Variants in KMT5B observed in about 807,000 individuals in gnomAD.
KMT5B encodes the protein lysine methyltransferase 5B.
In KMT5B, 10 loss-of-function variants were observed where a neutral mutation model predicts 83.2. The ratio of observed to expected loss-of-function variants is 0.12; its 90% CI spans 0.07 to 0.20. The LOEUF is 0.20. Among genes scored for constraint, KMT5B ranks in the 10% least tolerant of loss-of-function variants. The pLI is 1.00. For missense variants in KMT5B, 753 were observed against 1,067.2 expected (o/e 0.71, Z 4.10); for synonymous variants, 349 against 388.8 (o/e 0.90, Z 1.20).
Position 68,171,304 on chromosome 11 carries a change from A to G in KMT5B, c.821-53T>C. ...ATTAACTGTTGATAAGATCTGAAAC[A>G]CGAACAATTATAGAAATCTGAAATA... On this transcript the variant is annotated intron_variant, in intron 7 of 10. Transcript: ENST00000304363. This position sits in a 1 kb window ranked among gnomAD's most constrained non-coding sequence, Gnocchi z 5.1. 1 of 1,587,664 alleles carries G rather than the reference A, an allele frequency of 6.3e-7. No homozygotes were observed. The highest frequency in any genetic ancestry group is 8.6e-7 in the Non-Finnish European group (1 of 1,160,822).
chr11:68,204,446 A>G (rs538686561), intron 1 of KMT5B, among the ~76,000 whole-genome samples: 81 of 152,294 alleles, frequency 5.3e-4, no homozygotes, highest in African/African-American at 1.9e-3. Flanking sequence ...AAGGTGAAGC[A>G]GACTGGAGTG....
At chr11:68,194,918 T>G (rs1162030332) in intron 1 of KMT5B, among the ~76,000 whole-genome samples, 2 of 152,262 alleles carry the variant, frequency 1.3e-5, no homozygotes, top group Admixed American at 1.3e-4. Context: ...CTTATGCCTA[T>G]AATCCTAGCC....
chr11:68,159,273 A>G, intron 10 of KMT5B, 102 bp from the exon 11 acceptor site: 1 of 1,439,150 alleles, frequency 6.9e-7, no homozygotes, highest in Non-Finnish European at 9.1e-7. Flanking sequence ...TTTAGATTAC[A>G]CAAACGCCAA....
Position 68,157,928 on chromosome 11 carries a change from A to G in KMT5B, c.2418T>C (p.Leu806=), listed in dbSNP as rs1455134740. 6 of 1,614,046 alleles carry G rather than the reference A, an allele frequency of 3.7e-6. No homozygotes were observed. The East Asian group carries it at 1.3e-4, about 36-fold the overall frequency. Residue 806 remains leucine (L), a synonymous_variant, in exon 11 of 11, where the codon CTT becomes CTC. Transcript: ENST00000304363. ...CCTCCATTCGAGACTCCAAGAGAGA[A>G]AGAGGATCACTGCAGCACACCCCAT... ...HENGVCCSDP[L]SLLESRMEVD... is the part of the protein sequence containing the mutation.
At chr11:68,173,325 G>C (rs954722052) in intron 6 of KMT5B, among the ~76,000 whole-genome samples, 1 of 152,194 alleles carries the variant, frequency 6.6e-6, no homozygotes, top group Non-Finnish European at 1.5e-5. Context: ...ATAGGCGTGA[G>C]CCAATGCCCC....
intron 3 of KMT5B, among the ~76,000 whole-genome samples, chr11:68,183,753 G>A (rs543802413): frequency 4.6e-5 from 7 of 150,630 alleles, no homozygotes; most frequent in Admixed American, 1.3e-4. Context: ...TCTGTCTCCC[G>A]GGTTCACGTG....
At chr11:68,187,952 T>G (rs1857592035) in intron 2 of KMT5B, among the ~76,000 whole-genome samples, 1 of 152,124 alleles carries the variant, frequency 6.6e-6, no homozygotes, top group African/African-American at 2.4e-5. Flanking sequence ...ACACACTGGG[T>G]TTTCCCAACC....
rs1426982709 is a variant in KMT5B at position 68,157,204 on chromosome 11, C to G, written c.*484G>C. 6.6e-6 allele frequency: 1 copy of G among 151,766 alleles called. No homozygotes were observed. The highest frequency in any genetic ancestry group is 1.5e-5 in the Non-Finnish European group (1 of 67,970). The allele number at this position is 151,766 out of a possible 1,614,324, so 9.4% of individuals were successfully genotyped here. On this transcript the variant is annotated 3_prime_UTR_variant, in exon 11 of 11. Coordinates refer to ENST00000304363, the MANE Select transcript of KMT5B (RefSeq NM_017635.5). ...AGCAAACAGTGTGAAACTGACAAAA[C>G]TCCAAGGGGGAAACATCTAGCAAAT...
chr11:68,167,330 G>C, intron 9 of KMT5B, 152 bp from the exon 10 acceptor site: 1 of 782,108 alleles, frequency 1.3e-6, no homozygotes, highest in Non-Finnish European at 1.9e-6. Context: ...ACTCACAAAG[G>C]AAATTAAGTA....
chr11:68,179,675 G>A, intron 4 of KMT5B: 2 of 1,142,004 alleles, frequency 1.8e-6, no homozygotes, highest in Non-Finnish European at 2.2e-6. Flanking sequence ...AAGGAGAGAG[G>A]AAGAGAGAAA....
Position 68,212,935 on chromosome 11 carries a change from A to AGGCCCCGCGCC in KMT5B, c.-77+192_-77+202dup, listed in dbSNP as rs1358450466. Among the ~76,000 whole-genome samples, 14 of 140,890 alleles carry AGGCCCCGCGCC rather than the reference A, an allele frequency of 9.9e-5. No homozygotes were observed. The East Asian group carries it at 1.3e-3, about 13-fold the overall frequency. 92.4% of individuals were successfully genotyped at this position (140,890 alleles called of 152,430 possible). ...CCCTTCCGGCCGCGGCCACCACTGC[A>AGGCCCCGCGCC]GGCCCCGCGCCGGCCCCGCACCGGC... On this transcript the variant is annotated intron_variant, in intron 1 of 10. Transcript: ENST00000304363.
At chr11:68,188,014 A>AT (rs1404641110) in intron 2 of KMT5B, among the ~76,000 whole-genome samples, 1 of 146,738 alleles carries the variant, frequency 6.8e-6, no homozygotes, top group Non-Finnish European at 1.5e-5. Flanking sequence ...AGTAATGGCC[A>AT]TTTTCCTTTT....
Position 68,185,744 on chromosome 11 carries a change from A to G in KMT5B, c.308+37T>C, listed in dbSNP as rs762385113. 5 of 1,548,718 alleles carry G rather than the reference A, an allele frequency of 3.2e-6. No homozygotes were observed. In the South Asian group the frequency reaches 3.6e-5, roughly 11 times the overall value. ...CATCTATGTTCTTGAATTCAACATA[A>G]TCATCTGTTCCATTCAGGATAAAGA... is the stretch of plus-strand genomic sequence containing the variant. On this transcript the variant is annotated intron_variant, in intron 3 of 10. Transcript: ENST00000304363.
At chr11:68,192,949 T>A (rs752945288) in intron 1 of KMT5B, among the ~76,000 whole-genome samples, 1 of 152,216 alleles carries the variant, frequency 6.6e-6, no homozygotes, top group South Asian at 2.1e-4. Flanking sequence ...TGGGAACCGA[T>A]TGATCTGAAT....
chr11:68,198,251 T>C (rs1034782305), intron 1 of KMT5B, among the ~76,000 whole-genome samples: 1 of 151,974 alleles, frequency 6.6e-6, no homozygotes, highest in African/African-American at 2.4e-5. Context: ...AGGCGTGGTG[T>C]CACATGCCTG....
At chr11:68,172,565 G>A (rs1000557227) in intron 6 of KMT5B, among the ~76,000 whole-genome samples, 6 of 152,048 alleles carry the variant, frequency 3.9e-5, no homozygotes, top group African/African-American at 9.7e-5. Flanking sequence ...TCCAAAATAC[G>A]ATTTCAGTAG....
At chr11:68,162,572 C>T (rs2512610) in intron 10 of KMT5B, among the ~76,000 whole-genome samples, 152,254 of 152,312 alleles carry the variant, frequency 1, 76,098 homozygotes, top group Non-Finnish European at 1. Flanking sequence ...TTCTTATTTT[C>T]ACCCGTTGGA....
intron 2 of KMT5B, among the ~76,000 whole-genome samples, chr11:68,188,251 C>T (rs1417639416): frequency 6.6e-6 from 1 of 151,998 alleles, no homozygotes; most frequent in Admixed American, 6.5e-5. Flanking sequence ...GTCTCGATCT[C>T]CTGACCTCAT....
chr11:68,187,808 G>T (rs1315071185), intron 2 of KMT5B, among the ~76,000 whole-genome samples: 1 of 152,016 alleles, frequency 6.6e-6, no homozygotes, highest in African/African-American at 2.4e-5. Flanking sequence ...TGTATCTTAA[G>T]GCTCTGCTGC....
Sources: allele counts gnomAD v4.1 joint callset (sites outside exome capture counted in the v4.1 genomes callset), GRCh38; gene constraint gnomAD v4.1.1; non-coding constraint Gnocchi (gnomAD v3.1); transcripts MANE v1.5; gene names NCBI Gene and HGNC (gene_info 2026-07-23, HGNC 2026-07-21).